The following PECAM1 variants were observed in gnomAD, a reference collection of about 807,000 sequenced individuals.
PECAM1 encodes platelet and endothelial cell adhesion molecule 1.
In PECAM1, 8 loss-of-function variants were observed where a neutral mutation model predicts 13.8. The ratio of observed to expected loss-of-function variants is 0.58; its 90% CI spans 0.34 to 1.05. The LOEUF (loss-of-function observed/expected upper bound fraction) is 1.05, where lower values mean the gene tolerates loss of function less well. PECAM1 is among the 50% of genes least tolerant of loss of function. The pLI, the probability that PECAM1 is intolerant of heterozygous loss-of-function variation, is 0.03. For missense variants in PECAM1, 304 were observed against 141.2 expected, an observed-to-expected ratio of 2.15 and a Z score of -5.84; for synonymous variants, 136 against 52.6, an observed-to-expected ratio of 2.58 and a Z score of -6.86.
chr17:64,348,700 A>G (rs1422835205), intron 12 of PECAM1, among the ~76,000 whole-genome samples: 1 of 152,120 alleles, frequency 6.6e-6, no homozygotes, highest in African/African-American at 2.4e-5. Flanking sequence ...AGCCTCCCAA[A>G]GTGCTGGGAT....
At chr17:64,385,785 C>T (rs1472597826) in intron 2 of PECAM1, among the ~76,000 whole-genome samples, 4 of 152,166 alleles carry the variant, frequency 2.6e-5, no homozygotes, top group African/African-American at 9.7e-5. Context: ...CAAGGACAGG[C>T]AGTGGGGTAC....
chr17:64,345,026 A>G (rs2035528681), intron 13 of PECAM1, among the ~76,000 whole-genome samples: 2 of 152,078 alleles, frequency 1.3e-5, no homozygotes, highest in Non-Finnish European at 2.9e-5. Flanking sequence ...TTATTTTTAA[A>G]TTTTTTGTAG....
At chr17:64,357,378 GA>G (rs59215805) in intron 7 of PECAM1, among the ~76,000 whole-genome samples, 57,947 of 151,750 alleles carry the variant, frequency 0.38, 12,914 homozygotes, top group East Asian at 0.53. Context: ...TTTCCACCTG[GA>G]AGCCCAGCCA....
At chr17:64,361,160 T>TGTGTGTGTGTGTGTGTGTGTGTGTGTG (rs2035968097) in intron 6 of PECAM1, among the ~76,000 whole-genome samples, 12 of 148,048 alleles carry the variant, frequency 8.1e-5, no homozygotes, top group African/African-American at 2.7e-4. Context: ...TGTGTGTGTG[T>TGTGTGTGTGTGTGTGTGTGTGTGTGTG]TCTGAGACCG....
chr17:64,350,417 G>A lies in PECAM1; in HGVS notation c.2007C>T (p.Val669=). Residue 669 remains valine, a synonymous_variant, in exon 12 of 16, where the codon GTC becomes GTT. Coordinates refer to ENST00000563924, the MANE Select transcript of PECAM1 (RefSeq NM_000442.5). ...TTATTGGTTTCATTGCATGGTTTCT[G>A]ACATCGTCATTGTGACCTAGTTGAA... ...ANSHYGHNDD[V]RNHAMKPIND... The A allele has an allele frequency of 2.3e-6, 1 of 429,936 alleles. No individual in the cohort carries two copies. The highest frequency in any genetic ancestry group is 4.3e-6 in the Non-Finnish European group (1 of 234,252). 26.6% of individuals were successfully genotyped at this position (429,936 alleles called of 1,614,324 possible). A position where few individuals can be genotyped will look rare whatever the true frequency, so the allele number is the denominator to read the frequency against.
chr17:64,389,139 C>G (rs1164744241), intron 2 of PECAM1, among the ~76,000 whole-genome samples: 2 of 152,202 alleles, frequency 1.3e-5, no homozygotes, highest in Non-Finnish European at 2.9e-5. Flanking sequence ...ACTAGCCCTC[C>G]CCAGCCTGGG....
intron 8 of PECAM1, among the ~76,000 whole-genome samples, chr17:64,355,300 C>A (rs2035821106): frequency 1.3e-5 from 2 of 152,118 alleles, no homozygotes; most frequent in Non-Finnish European, 2.9e-5. Context: ...AGACTCTTTT[C>A]TTTTTCTTTC....
At chr17:64,362,878 G>A (rs1028924147) in intron 6 of PECAM1, among the ~76,000 whole-genome samples, 11 of 151,780 alleles carry the variant, frequency 7.2e-5, no homozygotes, top group African/African-American at 2.7e-4. Context: ...ACTAAGTAGT[G>A]TTTCCTTCCT....
chr17:64,342,489 C>T (rs2035459102), intron 13 of PECAM1, among the ~76,000 whole-genome samples: 1 of 152,172 alleles, frequency 6.6e-6, no homozygotes, highest in Non-Finnish European at 1.5e-5. Context: ...TTGTCAGTGA[C>T]CCTAGGAATA....
At chr17:64,373,204 C>T (rs1375160401) in intron 4 of PECAM1, among the ~76,000 whole-genome samples, 5 of 151,738 alleles carry the variant, frequency 3.3e-5, no homozygotes, top group African/African-American at 9.7e-5. Context: ...AAGAATTAAC[C>T]ACATAAATAA....
At chr17:64,334,554 G>T (rs2035217730) in intron 14 of PECAM1, among the ~76,000 whole-genome samples, 1 of 151,986 alleles carries the variant, frequency 6.6e-6, no homozygotes, top group Non-Finnish European at 1.5e-5. Flanking sequence ...TGTCGCCCAG[G>T]CTGGAGTGCA....
chr17:64,370,233 A>G (rs1266589259), intron 4 of PECAM1: 2 of 372,124 alleles, frequency 5.4e-6, no homozygotes, highest in Non-Finnish European at 9.5e-6. Flanking sequence ...AGGCTTCTTC[A>G]CTGCAATTCT....
Position 64,323,521 on chromosome 17 carries a change from A to G in PECAM1, c.*295T>C. The G allele has an allele frequency of 7.3e-7, 1 of 1,365,370 alleles. No homozygotes were observed. Among genetic ancestry groups the G allele is most frequent in the Non-Finnish European group, 9.5e-7 (1 of 1,057,056 alleles). The allele number at this position is 1,365,370 out of a possible 1,614,324, so 84.6% of individuals were successfully genotyped here. A position where few individuals can be genotyped will look rare whatever the true frequency, so the allele number is the denominator to read the frequency against. ...AAACAAAATATTCAAGTTTCAGAAT[A>G]TCCCAATGGCCTTGCCCTGGATCTC... is the stretch of plus-strand genomic sequence containing the variant. On this transcript the variant is annotated 3_prime_UTR_variant, in exon 16 of 16. Coordinates refer to ENST00000563924, the MANE Select transcript of PECAM1 (RefSeq NM_000442.5).
rs913741921 is a variant in PECAM1 at position 64,332,656 on chromosome 17, G to C, written c.2165-2934C>G. On this transcript the variant is annotated intron_variant, in intron 14 of 15. Coordinates refer to ENST00000563924, the MANE Select transcript of PECAM1 (RefSeq NM_000442.5). ...GGGCCTCACAGGATGGGTGGGGACT[G>C]ATCCTCAAGTGCTCTTCTCTTCCTC... is the stretch of plus-strand genomic sequence containing the variant. 2.0e-5 allele frequency among the ~76,000 whole-genome samples: 3 copies of C among 152,318 alleles called. No individual in the cohort carries two copies. In the South Asian group the frequency reaches 6.2e-4, roughly 32 times the overall value.
At chr17:64,323,942 G>C (rs781822764) in intron 15 of PECAM1, 97 bp from the exon 16 acceptor site, 6 of 790,696 alleles carry the variant, frequency 7.6e-6, no homozygotes, top group Non-Finnish European at 1.4e-5. Flanking sequence ...ACTTCTCAAA[G>C]AAAATGCAAA....
At chr17:64,336,605 G>A (rs1173152532) in intron 14 of PECAM1, among the ~76,000 whole-genome samples, 1 of 152,124 alleles carries the variant, frequency 6.6e-6, no homozygotes, top group Non-Finnish European at 1.5e-5. Flanking sequence ...AAGAAAAGCT[G>A]AGCATTCAGG....
chr17:64,373,150 A>AT (rs1598045742), intron 4 of PECAM1, among the ~76,000 whole-genome samples: 49 of 151,696 alleles, frequency 3.2e-4, no homozygotes, highest in South Asian at 6.2e-4. Context: ...TAAATAAAAA[A>AT]AAAAGAAAAT....
At chr17:64,326,469 T>G (rs782305579) in intron 15 of PECAM1, among the ~76,000 whole-genome samples, 1 of 152,220 alleles carries the variant, frequency 6.6e-6, no homozygotes, top group African/African-American at 2.4e-5. Context: ...GAGAGCCCCA[T>G]GCAAGTGGGC....
chr17:64,323,874 T>C (rs368209659), intron 15 of PECAM1, 29 bp from the exon 16 acceptor site: 1 of 792,920 alleles, frequency 1.3e-6, no homozygotes, highest in Non-Finnish European at 2.3e-6. Flanking sequence ...AGGCAAGTTA[T>C]GATCACACCT....
Sources: allele counts gnomAD v4.1 joint callset (sites outside exome capture counted in the v4.1 genomes callset), GRCh38; gene constraint gnomAD v4.1.1; transcripts MANE v1.5; gene names NCBI Gene and HGNC (gene_info 2026-07-23, HGNC 2026-07-21).